Variants in TAFA1 observed in about 807,000 individuals in gnomAD.
TAFA1 encodes TAFA chemokine like family member 1, also known as chemokine-like protein TAFA-1.
TAFA1 carries 4 observed loss-of-function variants against 18.5 expected under a neutral mutation model. That is an observed-to-expected ratio of 0.22 (90% CI 0.11 to 0.49). The LOEUF is 0.49. TAFA1 is among the 20% of genes least tolerant of loss of function. The pLI is 0.98. For synonymous variants in TAFA1, 56 were observed against 55.2 expected, an observed-to-expected ratio of 1.01 and a Z score of -0.06; for missense variants, 147 against 169.0, an observed-to-expected ratio of 0.87 and a Z score of 0.72.
intron 3 of TAFA1, among the ~76,000 whole-genome samples, chr3:68,420,373 C>T (rs773744430): frequency 4.6e-5 from 7 of 152,104 alleles, no homozygotes; most frequent in Non-Finnish European, 8.8e-5. Context: ...AACCATTCTC[C>T]CTCAACCTAA....
chr3:68,048,008 A>G (rs556505470), intron 2 of TAFA1, among the ~76,000 whole-genome samples: 1 of 152,106 alleles, frequency 6.6e-6, no homozygotes, highest in Non-Finnish European at 1.5e-5. Flanking sequence ...GAGGAACCCA[A>G]GCTTAATTGT....
At chr3:68,102,547 G>T (rs2065160306) in intron 2 of TAFA1, among the ~76,000 whole-genome samples, 1 of 152,102 alleles carries the variant, frequency 6.6e-6, no homozygotes, top group African/African-American at 2.4e-5. Context: ...TGAATTCCTG[G>T]AGTTTTACCC....
intron 2 of TAFA1, among the ~76,000 whole-genome samples, chr3:68,241,859 G>A (rs1441721153): frequency 6.6e-6 from 1 of 152,114 alleles, no homozygotes; most frequent in East Asian, 1.9e-4. Context: ...GCCAAAAGCA[G>A]GACTAACAGA....
At chr3:68,485,137 A>G (rs2072313201) in intron 3 of TAFA1, among the ~76,000 whole-genome samples, 1 of 152,130 alleles carries the variant, frequency 6.6e-6, no homozygotes, top group African/African-American at 2.4e-5. Context: ...ATCCACCCAG[A>G]ACAAATAACT....
chr3:68,519,523 A>G (rs984748271), intron 3 of TAFA1, among the ~76,000 whole-genome samples: 1 of 152,246 alleles, frequency 6.6e-6, no homozygotes, highest in Non-Finnish European at 1.5e-5. Flanking sequence ...AAATAAATTC[A>G]TATGTATGTG....
chr3:68,256,277 C>T (rs2067296463), intron 2 of TAFA1, among the ~76,000 whole-genome samples: 1 of 152,080 alleles, frequency 6.6e-6, no homozygotes, highest in Admixed American at 6.5e-5. Context: ...AAAAAGTCTT[C>T]CTTTAGCCAC....
At chr3:68,396,099 T>C (rs1249038709) in intron 2 of TAFA1, among the ~76,000 whole-genome samples, 1 of 152,146 alleles carries the variant, frequency 6.6e-6, no homozygotes, top group Non-Finnish European at 1.5e-5. Context: ...TATTTCCTTA[T>C]TATTTTGTGA....
chr3:68,227,389 T>A lies in TAFA1; in HGVS notation c.119-189891T>A, dbSNP rs533521544. ...TTTGGGCTGTGTTGAGAACATTACA[T>A]GAAAAATGAGGAAAGGGAATCAAGA... On this transcript the variant is annotated intron_variant, in intron 2 of 4. Coordinates refer to ENST00000478136, the MANE Select transcript of TAFA1 (RefSeq NM_213609.4). Among the ~76,000 whole-genome samples the A allele has an allele frequency of 4.6e-5, 7 of 152,228 alleles. No individual in the cohort carries two copies. The East Asian group carries it at 1.4e-3, about 30-fold the overall frequency.
chr3:68,384,219 A>T (rs995044013), intron 2 of TAFA1, among the ~76,000 whole-genome samples: 1 of 151,974 alleles, frequency 6.6e-6, no homozygotes, highest in African/African-American at 2.4e-5. Flanking sequence ...GTCTTCTGCT[A>T]GCTCTGGGAT....
chr3:68,122,681 A>C (rs1324797160), intron 2 of TAFA1, among the ~76,000 whole-genome samples: 1 of 152,194 alleles, frequency 6.6e-6, no homozygotes, highest in Admixed American at 6.5e-5. Flanking sequence ...GCCTGAAAAA[A>C]AGCAAGTTGC....
At chr3:68,475,729 C>T (rs1438919577) in intron 3 of TAFA1, among the ~76,000 whole-genome samples, 6 of 152,192 alleles carry the variant, frequency 3.9e-5, no homozygotes, top group South Asian at 2.1e-4. Flanking sequence ...CCTGAGGAAT[C>T]GCCACACTGG....
chr3:68,417,414 G>A lies in TAFA1; in HGVS notation c.253G>A (p.Val85Ile), dbSNP rs765684057. 6.5e-5 allele frequency: 105 copies of A among 1,613,266 alleles called. No individual in the cohort carries two copies. Among genetic ancestry groups the A allele is most frequent in the Admixed American group, 2.2e-4 (13 of 59,952 alleles). Residue 85 changes from valine (V) to isoleucine (I), a missense_variant, in exon 3 of 5, where the codon GTC (valine) becomes ATC (isoleucine). Transcript: ENST00000478136. ...AACAACAAGAAACCGGCCTTCTTGC[G>A]TCGATGGTAGGTACCTGGTTTTACC... ...AGTTRNRPSC[V>I]DASIVIGKWW...
chr3:68,072,524 G>A (rs893745951), intron 2 of TAFA1, among the ~76,000 whole-genome samples: 2 of 152,162 alleles, frequency 1.3e-5, no homozygotes, highest in Admixed American at 6.5e-5. Context: ...CAGGAGTCCA[G>A]GTGACAGATG....
intron 2 of TAFA1, among the ~76,000 whole-genome samples, chr3:68,205,598 C>T (rs1264199184): frequency 1.3e-5 from 2 of 151,882 alleles, no homozygotes; most frequent in African/African-American, 2.4e-5. Flanking sequence ...CGACCTTCAA[C>T]TCCTGAAGAC....
intron 2 of TAFA1, among the ~76,000 whole-genome samples, chr3:68,157,877 A>G (rs983246565): frequency 6.6e-6 from 1 of 152,208 alleles, no homozygotes; most frequent in African/African-American, 2.4e-5. Context: ...TTTGAGTTAT[A>G]ATAATGAAAA....
At chr3:68,257,384 C>G (rs2067318552) in intron 2 of TAFA1, among the ~76,000 whole-genome samples, 1 of 151,722 alleles carries the variant, frequency 6.6e-6, no homozygotes. Context: ...CTTGTTTAAC[C>G]TCTGTCTTCC....
intron 3 of TAFA1, among the ~76,000 whole-genome samples, chr3:68,464,286 T>C (rs541409848): frequency 1.3e-5 from 2 of 152,240 alleles, no homozygotes; most frequent in East Asian, 3.9e-4. Context: ...GCAAAAAGAA[T>C]ATAAATGCAT....
intron 2 of TAFA1, among the ~76,000 whole-genome samples, chr3:68,023,555 A>G (rs1365639691): frequency 6.6e-6 from 1 of 152,174 alleles, no homozygotes; most frequent in Non-Finnish European, 1.5e-5. Context: ...TGATATGGCC[A>G]CAAAATACCT....
intron 3 of TAFA1, among the ~76,000 whole-genome samples, chr3:68,532,130 A>G (rs1383656744): frequency 6.6e-6 from 1 of 152,204 alleles, no homozygotes; most frequent in Non-Finnish European, 1.5e-5. Flanking sequence ...ATTAACATGT[A>G]CATAGACATG....
Sources: allele counts gnomAD v4.1 joint callset (sites outside exome capture counted in the v4.1 genomes callset), GRCh38; gene constraint gnomAD v4.1.1; transcripts MANE v1.5; gene names NCBI Gene and HGNC (gene_info 2026-07-23, HGNC 2026-07-21).